ASTN2: variants seen among roughly 807,000 people sequenced by gnomAD.
ASTN2 encodes astrotactin-2.
A neutral mutation model predicts 139.8 loss-of-function variants in ASTN2; 54 were observed. The ratio of observed to expected loss-of-function variants is 0.39; its 90% CI spans 0.31 to 0.48. The LOEUF is 0.48. ASTN2 is among the 20% of genes least tolerant of loss of function. The pLI is 0.95. For synonymous variants in ASTN2, 756 were observed against 719.5 expected (o/e 1.05, Z -0.81); for missense variants, 1,565 against 1,725.1 (o/e 0.91, Z 1.64).
intron 13 of ASTN2, among the ~76,000 whole-genome samples, chr9:116,759,118 G>A (rs1260398095): frequency 3.9e-5 from 6 of 152,016 alleles, no homozygotes; most frequent in African/African-American, 9.7e-5. Flanking sequence ...GGCTCTAGCT[G>A]TCATCCCCAC....
At chr9:117,138,065 G>A (rs560554518) in intron 4 of ASTN2, among the ~76,000 whole-genome samples, 7 of 152,178 alleles carry the variant, frequency 4.6e-5, no homozygotes, top group East Asian at 1.9e-4. Flanking sequence ...ATGTTAATAC[G>A]CTCATTTACT....
At chr9:116,811,139 T>C (rs149546975) in intron 12 of ASTN2, among the ~76,000 whole-genome samples, 144 of 152,276 alleles carry the variant, frequency 9.5e-4, no homozygotes, top group Non-Finnish European at 1.7e-3. Flanking sequence ...CTTTTTTCTT[T>C]TCTATTTAAT....
At chr9:116,799,742 T>C (rs1830795317) in intron 13 of ASTN2, among the ~76,000 whole-genome samples, 1 of 146,688 alleles carries the variant, frequency 6.8e-6, no homozygotes, top group Non-Finnish European at 1.5e-5. Flanking sequence ...CAAATAAACA[T>C]CAAATACCAC....
At chr9:116,812,799 C>T (rs965563) in intron 12 of ASTN2, among the ~76,000 whole-genome samples, 42,799 of 151,764 alleles carry the variant, frequency 0.28, 6,685 homozygotes, top group African/African-American at 0.4. Flanking sequence ...TGTGTGTGTA[C>T]GACTTTAAGC....
At chr9:116,747,904 G>A (rs1829291241) in intron 13 of ASTN2, among the ~76,000 whole-genome samples, 1 of 152,160 alleles carries the variant, frequency 6.6e-6, no homozygotes, top group African/African-American at 2.4e-5. Flanking sequence ...GAAATTGAAA[G>A]AAATTGCAGG....
intron 1 of ASTN2, among the ~76,000 whole-genome samples, chr9:117,351,086 G>T (rs1360659526): frequency 6.6e-6 from 1 of 152,138 alleles, no homozygotes; most frequent in Non-Finnish European, 1.5e-5. Context: ...TAACAGAAGC[G>T]CATGACAGAG....
At position 116,698,803 on chromosome 9, in the gene ASTN2, A is replaced by G. The variant is rs1266244841; in HGVS notation, c.2806+26968T>C. 4 of 1,614,080 alleles carry G rather than the reference A, an allele frequency of 2.5e-6. No homozygotes were observed. The Admixed American group carries it at 6.7e-5, about 27-fold the overall frequency. On this transcript the variant is annotated intron_variant, in intron 16 of 22. Transcript: ENST00000313400. The surrounding 1 kb of genome is among the most constrained non-coding windows in gnomAD (Gnocchi z 4.4). ...CCTGAGGCAGCCTCCAATATCCAGC[A>G]GTGCCTCTTTCTCAAGAAGATGGGG...
intron 2 of ASTN2, among the ~76,000 whole-genome samples, chr9:117,223,918 G>A (rs946032249): frequency 2.0e-5 from 3 of 152,048 alleles, no homozygotes; most frequent in Non-Finnish European, 4.4e-5. Flanking sequence ...ATCTATTAGA[G>A]ATACTATTTT....
intron 20 of ASTN2, among the ~76,000 whole-genome samples, chr9:116,456,072 A>G (rs533920521): frequency 2.0e-4 from 30 of 152,112 alleles, no homozygotes; most frequent in Non-Finnish European, 3.8e-4. Context: ...AAATGAAGTC[A>G]AATTATCCTT....
At chr9:117,316,049 C>T (rs1024943076) in intron 1 of ASTN2, among the ~76,000 whole-genome samples, 1 of 152,206 alleles carries the variant, frequency 6.6e-6, no homozygotes, top group African/African-American at 2.4e-5. Context: ...ATATTAAGCC[C>T]ATCTTGCAGA....
intron 3 of ASTN2, among the ~76,000 whole-genome samples, chr9:117,144,201 C>A (rs1161477716): frequency 6.6e-6 from 1 of 152,236 alleles, no homozygotes; most frequent in South Asian, 2.1e-4. Flanking sequence ...AGGAAGAGGG[C>A]CCTCACCAGA....
rs11378164 is a variant in ASTN2 at position 117,016,813 on chromosome 9, T to TTATATATATATA, written c.1424-8566_1424-8555dup. ...GTTATATATAGGTTATATATATGTT[T>TTATATATATATA]TATATATATATATATGTTTTTCCAA... is the stretch of plus-strand genomic sequence containing the variant. On this transcript the variant is annotated intron_variant, in intron 6 of 22. Transcript: ENST00000313400. Among the ~76,000 whole-genome samples, 706 of 92,568 alleles carry TTATATATATATA rather than the reference T, an allele frequency of 7.6e-3. 6 individuals are homozygous for TTATATATATATA. Among genetic ancestry groups the TTATATATATATA allele is most frequent in the African/African-American group, 0.019 (603 of 31,528 alleles). The allele number at this position is 92,568 out of a possible 152,430, so 60.7% of individuals were successfully genotyped here.
chr9:117,009,490 C>A (rs1481291615), intron 6 of ASTN2, among the ~76,000 whole-genome samples: 2 of 151,894 alleles, frequency 1.3e-5, no homozygotes, highest in Admixed American at 1.3e-4. Context: ...GCATGTATAG[C>A]AATAAAACAA....
rs181526689 is a variant in ASTN2, at chr9:116,915,270, T to A, written c.1890-51537A>T. 1.7e-4 allele frequency among the ~76,000 whole-genome samples: 26 copies of A among 152,300 alleles called. No homozygotes were observed. In the East Asian group the frequency reaches 5.0e-3, roughly 29 times the overall value. On this transcript the variant is annotated intron_variant, in intron 10 of 22. Transcript: ENST00000313400. ...TCATGGCCATGGTCATGGACAAACT[T>A]CTTGGGAAGAGGCTTTTGCAGACTA...
intron 2 of ASTN2, among the ~76,000 whole-genome samples, chr9:117,238,202 T>C (rs1833101871): frequency 6.6e-6 from 1 of 152,152 alleles, no homozygotes. Flanking sequence ...CTGAGCTCTG[T>C]GCACTGGCTC....
chr9:116,811,052 C>A (rs1020584607), intron 12 of ASTN2, among the ~76,000 whole-genome samples: 1 of 152,086 alleles, frequency 6.6e-6, no homozygotes, highest in Non-Finnish European at 1.5e-5. Flanking sequence ...CTAGCTCATT[C>A]GTAATGTGTT....
chr9:117,233,099 A>G (rs2133060225), intron 2 of ASTN2, among the ~76,000 whole-genome samples: 1 of 152,220 alleles, frequency 6.6e-6, no homozygotes, highest in Non-Finnish European at 1.5e-5. Context: ...TCCAGTTTCA[A>G]TCTCACAGCC....
At chr9:116,431,036 G>A (rs1045227479) in intron 22 of ASTN2, among the ~76,000 whole-genome samples, 5 of 152,204 alleles carry the variant, frequency 3.3e-5, no homozygotes, top group Non-Finnish European at 7.3e-5. Flanking sequence ...CAAGAGGTGA[G>A]GGAGGGCCAC....
At chr9:117,252,272 C>T (rs1833560076) in intron 2 of ASTN2, among the ~76,000 whole-genome samples, 1 of 152,198 alleles carries the variant, frequency 6.6e-6, no homozygotes, top group Non-Finnish European at 1.5e-5. Context: ...CATATGCATG[C>T]TTATCTGTGG....
Sources: gnomAD v4.1 joint callset for allele counts (sites outside exome capture counted in the v4.1 genomes callset) on GRCh38, gnomAD v4.1.1 for gene constraint, Gnocchi (gnomAD v3.1) non-coding constraint, MANE v1.5 for transcripts, NCBI Gene and HGNC (gene_info 2026-07-23, HGNC 2026-07-21) for gene names.